CCDC97: variants seen among roughly 807,000 people sequenced by gnomAD.
The protein encoded by CCDC97 is coiled-coil domain-containing protein 97.
In CCDC97, 27 loss-of-function variants were observed where a neutral mutation model predicts 33.9. That is an observed-to-expected ratio of 0.80 (90% CI 0.59 to 1.10). CCDC97 has a LOEUF of 1.10. Ranked by LOEUF, CCDC97 falls within the 50% of genes least tolerant of loss-of-function variation. The probability of loss-of-function intolerance (pLI) is 0.00; values close to 1 mark genes in which losing one functional copy is unlikely to be tolerated. For missense variants in CCDC97, 422 were observed against 476.6 expected, an observed-to-expected ratio of 0.89 and a Z score of 1.07; for synonymous variants, 217 against 194.0, an observed-to-expected ratio of 1.12 and a Z score of -0.99.
intron 3 of CCDC97, among the ~76,000 whole-genome samples, chr19:41,320,086 C>T (rs553589729): frequency 6.6e-5 from 10 of 152,266 alleles, no homozygotes; most frequent in Non-Finnish European, 1.0e-4. Flanking sequence ...CTGTTCCCTC[C>T]GCCAGGAATG....
At chr19:41,319,100 T>C (rs1027817491) in intron 2 of CCDC97, among the ~76,000 whole-genome samples, 2 of 152,182 alleles carry the variant, frequency 1.3e-5, no homozygotes, top group African/African-American at 4.8e-5. Flanking sequence ...CAGGAGCTTG[T>C]GCATCGTGCC....
Position 41,317,846 on chromosome 19 carries a change from C to G in CCDC97, c.502+1007C>G, listed in dbSNP as rs952937943. On this transcript the variant is annotated intron_variant, in intron 2 of 4. Transcript: ENST00000269967. ...GGGGGTGGACCTGAGGTCAGGAGTT[C>G]CAGAGCAGCCTGGCCAACATGGTGA... is the stretch of plus-strand genomic sequence containing the variant. 3.3e-5 allele frequency among the ~76,000 whole-genome samples: 5 copies of G among 151,178 alleles called. No individual in the cohort carries two copies. In the South Asian group the frequency reaches 1.0e-3, roughly 32 times the overall value.
At chr19:41,322,400 T>C (rs1599877565) in intron 4 of CCDC97, among the ~76,000 whole-genome samples, 195 bp from the exon 5 acceptor site, 1 of 151,968 alleles carries the variant, frequency 6.6e-6, no homozygotes, top group East Asian at 1.9e-4. Flanking sequence ...CCCAGAGTTT[T>C]TGTGCAAACT....
rs6957 is a variant in CCDC97 at position 41,324,701 on chromosome 19, T to C, written c.*1986T>C. On this transcript the variant is annotated 3_prime_UTR_variant, in exon 5 of 5. Coordinates refer to ENST00000269967, the MANE Select transcript of CCDC97 (RefSeq NM_052848.3). ...TAGACTCCAGGACCTTGGGGTCATA[T>C]CTCTCAGAAAGCCAAGAGTGCAGGA... is the stretch of plus-strand genomic sequence containing the variant. 32,495 of 152,034 alleles carry C rather than the reference T, an allele frequency of 0.21. 3,804 individuals carry two copies. The highest frequency in any genetic ancestry group is 0.35 in the East Asian group (1,795 of 5,164). 9.4% of individuals were successfully genotyped at this position (152,034 alleles called of 1,614,324 possible).
rs140291750 is a variant in CCDC97, at chr19:41,316,794, C to T, written c.457C>T (p.Arg153Cys). The T allele has an allele frequency of 5.2e-5, 83 of 1,601,452 alleles. No homozygotes were observed. Among genetic ancestry groups the T allele is most frequent in the East Asian group, 3.1e-4 (14 of 44,460 alleles). Residue 153 changes from arginine to cysteine, a missense_variant, in exon 2 of 5, where the codon CGC (arginine) becomes TGC (cysteine). Arg to Cys is a radical substitution (Grantham distance 180). Coordinates refer to ENST00000269967, the MANE Select transcript of CCDC97 (RefSeq NM_052848.3). Reference sequence around the variant, plus strand: ...TGCCCGGCCCCGCACCCTGCGTACCCGCCTGCGTAACCGGCGCTATGCTGC... The same window carrying T: ...TGCCCGGCCCCGCACCCTGCGTACCTGCCTGCGTAACCGGCGCTATGCTGC... ...GTARPRTLRT[R>C]LRNRRYAALR...
Position 41,314,060 on chromosome 19 carries a change from G to T in CCDC97, c.47-2324G>T, listed in dbSNP as rs116195135. On this transcript the variant is annotated intron_variant, in intron 1 of 4. Transcript: ENST00000269967. Reference sequence around the variant, plus strand: ...CCTGACTGTCTCCCACATCAGACTGGGTGCTCCCTGAGGGCAGGAGCTGGA... The same window carrying T: ...CCTGACTGTCTCCCACATCAGACTGTGTGCTCCCTGAGGGCAGGAGCTGGA... Among the ~76,000 whole-genome samples, 801 of 152,222 alleles carry T rather than the reference G, an allele frequency of 5.3e-3. 4 individuals carry two copies. The highest frequency in any genetic ancestry group is 0.018 in the African/African-American group (759 of 41,536).
chr19:41,316,456 A>G lies in CCDC97; in HGVS notation c.119A>G (p.Lys40Arg). 6.2e-7 allele frequency: 1 copy of G among 1,614,204 alleles called. No homozygotes were observed. The highest frequency in any genetic ancestry group is 8.5e-7 in the Non-Finnish European group (1 of 1,180,034). ...RTPVPSKPQD[K>R]VEAAEATPVA... ...CCAGTCCCATCTAAACCCCAGGACA[A>G]AGTGGAAGCAGCTGAGGCAACACCA... The change falls in exon 2 of 5, where the codon AAA (lysine) becomes AGA (arginine). Residue 40 changes from lysine (K) to arginine (R), a missense_variant. Lys to Arg is a conservative substitution (Grantham distance 26). Coordinates refer to ENST00000269967, the MANE Select transcript of CCDC97 (RefSeq NM_052848.3).
intron 1 of CCDC97, among the ~76,000 whole-genome samples, chr19:41,314,098 T>C (rs1021316711): frequency 1.3e-5 from 2 of 152,142 alleles, no homozygotes. Context: ...GGATTCATCC[T>C]ATGGATCCTC....
In CCDC97 at chr19:41,316,801, G is replaced by A. The variant is rs757960060; in HGVS notation, c.464G>A (p.Arg155His). 5.1e-5 allele frequency: 82 copies of A among 1,599,912 alleles called. 1 individual carries two copies. Among genetic ancestry groups the A allele is most frequent in the East Asian group, 4.3e-4 (19 of 44,412 alleles). Residue 155 changes from arginine to histidine, a missense_variant, in exon 2 of 5, where the codon CGT (arginine) becomes CAT (histidine). By Grantham distance (29) the Arg-to-His change is conservative (BLOSUM62 0). Transcript: ENST00000269967. Reference sequence around the variant, plus strand: ...CCCCGCACCCTGCGTACCCGCCTGCGTAACCGGCGCTATGCTGCCCTGCGA... The same window carrying A: ...CCCCGCACCCTGCGTACCCGCCTGCATAACCGGCGCTATGCTGCCCTGCGA... ...ARPRTLRTRL[R>H]NRRYAALREL...
intron 1 of CCDC97, among the ~76,000 whole-genome samples, chr19:41,315,084 G>A (rs542926598): frequency 2.4e-3 from 352 of 147,750 alleles, no homozygotes; most frequent in Non-Finnish European, 4.0e-3. Flanking sequence ...GGTGGATCAC[G>A]AGGTCAGGAG....
chr19:41,310,907 T>C (rs2037675869), intron 1 of CCDC97: 3 of 984,296 alleles, frequency 3.0e-6, no homozygotes, highest in South Asian at 4.6e-5. Context: ...TCCCACAACC[T>C]TCAAAGTAAT....
chr19:41,316,265 C>T, intron 1 of CCDC97, 119 bp from the exon 2 acceptor site: 1 of 749,086 alleles, frequency 1.3e-6, no homozygotes, highest in Non-Finnish European at 2.2e-6. Context: ...TTCTCTAGTG[C>T]CCAGAACAGT....
intron 1 of CCDC97, 113 bp downstream of exon 1, chr19:41,310,469 T>A: frequency 6.6e-7 from 1 of 1,515,018 alleles, no homozygotes; most frequent in Non-Finnish European, 8.8e-7. Context: ...CCCACCCCCC[T>A]CAGCTTTACC....
At chr19:41,313,357 C>T (rs1296387952) in intron 1 of CCDC97, among the ~76,000 whole-genome samples, 3 of 152,144 alleles carry the variant, frequency 2.0e-5, no homozygotes, top group Admixed American at 6.6e-5. Context: ...AGCAGTCGGA[C>T]CATTCCCCTG....
Position 41,313,032 on chromosome 19 carries a change from A to T in CCDC97, c.46+2676A>T, listed in dbSNP as rs562929061. Among the ~76,000 whole-genome samples, 6 of 152,212 alleles carry T rather than the reference A, an allele frequency of 3.9e-5. No individual in the cohort carries two copies. In the South Asian group the frequency reaches 1.2e-3, roughly 32 times the overall value. On this transcript the variant is annotated intron_variant, in intron 1 of 4. Transcript: ENST00000269967. ...AGTGATTCTCTCACCTTGGCCTCCC[A>T]AAGTGCTGGGATTACAGGGGTGAGC...
chr19:41,319,201 A>T (rs2037785433), intron 2 of CCDC97, among the ~76,000 whole-genome samples: 1 of 152,250 alleles, frequency 6.6e-6, no homozygotes, highest in South Asian at 2.1e-4. Context: ...GCTTGGATGC[A>T]TGAATACATG....
chr19:41,318,228 C>T (rs539004941), intron 2 of CCDC97, among the ~76,000 whole-genome samples: 19 of 151,492 alleles, frequency 1.3e-4, no homozygotes, highest in Middle Eastern at 3.5e-3. Context: ...GCAGGCAAAT[C>T]ACTTGAGATA....
Position 41,316,850 on chromosome 19 carries a change from C to T in CCDC97, c.502+11C>T. The T allele has an allele frequency of 6.4e-7, 1 of 1,568,836 alleles. No homozygotes were observed. The highest frequency in any genetic ancestry group is 1.4e-5 in the African/African-American group (1 of 73,838). On this transcript the variant is annotated intron_variant, in intron 2 of 4. Transcript: ENST00000269967. ...GAGAGCTGATCCAAGGTGTGGGGGC[C>T]AGATGGGCGACAGTGGGCACATATG...
Position 41,316,684 on chromosome 19 carries a change from G to A in CCDC97, c.347G>A (p.Arg116His), listed in dbSNP as rs559582361. ...CTGGAGCGCTTCCGCACAGGCCTCC[G>A]TGAGGAGCATCTGGCCTGCTTTGGC... The part of the protein sequence containing the change: ...VFLERFRTGL[R>H]EEHLACFGHV... Residue 116 changes from arginine to histidine, a missense_variant, in exon 2 of 5, where the codon CGT (arginine) becomes CAT (histidine). By Grantham distance (29) the Arg-to-His change is conservative. Coordinates refer to ENST00000269967, the MANE Select transcript of CCDC97 (RefSeq NM_052848.3). The A allele has an allele frequency of 7.9e-5, 127 of 1,614,090 alleles. 1 individual carries two copies. Among genetic ancestry groups the A allele is most frequent in the Admixed American group, 4.5e-4 (27 of 60,030 alleles).
Sources: gnomAD v4.1 joint callset for allele counts (sites outside exome capture counted in the v4.1 genomes callset) on GRCh38, gnomAD v4.1.1 for gene constraint, MANE v1.5 for transcripts, NCBI Gene and HGNC (gene_info 2026-07-23, HGNC 2026-07-21) for gene names.